PRKN: variants seen among roughly 807,000 people sequenced by gnomAD.
The protein encoded by PRKN is E3 ubiquitin-protein ligase parkin.
PRKN carries 56 observed loss-of-function variants against 59.5 expected under a neutral mutation model. The observed-to-expected ratio is 0.94, with a 90% CI of 0.76 to 1.18. The LOEUF (loss-of-function observed/expected upper bound fraction) is 1.18. Ranked by LOEUF, PRKN falls within the 50% of genes most tolerant of loss-of-function variation. The probability of loss-of-function intolerance (pLI) is 0.00; values close to 1 mark genes in which losing one functional copy is unlikely to be tolerated. For synonymous variants in PRKN, 250 were observed against 222.1 expected (o/e 1.13, Z -1.12); for missense variants, 657 against 596.4 (o/e 1.10, Z -1.06).
intron 9 of PRKN, among the ~76,000 whole-genome samples, chr6:161,508,762 T>C (rs1224224189): frequency 2.6e-5 from 4 of 151,952 alleles, no homozygotes; most frequent in South Asian, 4.1e-4. Context: ...CTACTTTTTT[T>C]CCCCCTCAAT....
intron 5 of PRKN, among the ~76,000 whole-genome samples, chr6:162,008,954 T>A (rs1782371080): frequency 1.3e-5 from 2 of 151,836 alleles, no homozygotes; most frequent in Admixed American, 6.6e-5. Flanking sequence ...GTAAAAAGGA[T>A]CATAAACAGG....
chr6:162,181,559 G>A (rs1330426126), intron 4 of PRKN, among the ~76,000 whole-genome samples: 1 of 152,060 alleles, frequency 6.6e-6, no homozygotes. Context: ...AGAGGGTCAG[G>A]CTTGGACAAA....
chr6:161,476,667 A>C (rs1036957749), intron 9 of PRKN, among the ~76,000 whole-genome samples: 2 of 152,238 alleles, frequency 1.3e-5, no homozygotes, highest in Non-Finnish European at 1.5e-5. Flanking sequence ...CGGGAGGCAG[A>C]AGACCCACCG....
intron 1 of PRKN, among the ~76,000 whole-genome samples, chr6:162,450,573 T>C (rs1426255947): frequency 1.3e-5 from 2 of 152,162 alleles, no homozygotes; most frequent in Non-Finnish European, 2.9e-5. Context: ...CTTGACACAG[T>C]GTGATGCAAT....
intron 7 of PRKN, among the ~76,000 whole-genome samples, chr6:161,601,171 A>G (rs933553729): frequency 1.3e-5 from 2 of 152,208 alleles, no homozygotes; most frequent in African/African-American, 4.8e-5. Context: ...TTTATGTCTT[A>G]GTCTGTTCAG....
intron 3 of PRKN, among the ~76,000 whole-genome samples, chr6:162,216,532 G>A (rs1479917261): frequency 3.6e-5 from 3 of 83,970 alleles, no homozygotes; most frequent in African/African-American, 1.8e-4. Flanking sequence ...GCGAGACTCC[G>A]TCTCAAAAAA....
chr6:161,385,280 C>T lies in PRKN; in HGVS notation c.1167+1514G>A, dbSNP rs1175755025. On this transcript the variant is annotated intron_variant, in intron 10 of 11. Coordinates refer to ENST00000366898, the MANE Select transcript of PRKN (RefSeq NM_004562.3). This position sits in a 1 kb window ranked among gnomAD's most constrained non-coding sequence, Gnocchi z 4.9. ...CTAGAGAGTCTAGCAGCTGCTTGAC[C>T]CACCCAAATGCTCAACTTAATGTCT... Among the ~76,000 whole-genome samples, 1 of 152,112 alleles carries T rather than the reference C, an allele frequency of 6.6e-6. No homozygotes were observed. Among genetic ancestry groups the T allele is most frequent in the Non-Finnish European group, 1.5e-5 (1 of 68,040 alleles).
At chr6:162,590,243 G>T (rs1441761790) in intron 1 of PRKN, among the ~76,000 whole-genome samples, 1 of 152,076 alleles carries the variant, frequency 6.6e-6, no homozygotes, top group Non-Finnish European at 1.5e-5. Flanking sequence ...CATTGTTCAT[G>T]TCTAATAGTA....
chr6:161,914,795 C>T (rs1224734747), intron 6 of PRKN, among the ~76,000 whole-genome samples: 6 of 151,750 alleles, frequency 4.0e-5, no homozygotes. Flanking sequence ...TACTCATGAC[C>T]ATCAGCAGCC....
intron 2 of PRKN, among the ~76,000 whole-genome samples, chr6:162,429,553 T>C (rs527802783): frequency 6.6e-6 from 1 of 152,274 alleles, no homozygotes; most frequent in South Asian, 2.1e-4. Context: ...CATGGCCTTC[T>C]TTATTGGCCC....
At chr6:162,680,311 G>GA (rs995135274) in intron 1 of PRKN, among the ~76,000 whole-genome samples, 144 of 150,668 alleles carry the variant, frequency 9.6e-4, no homozygotes, top group African/African-American at 3.4e-3. Flanking sequence ...ATTTGAGGAA[G>GA]AAAATACAGA....
chr6:162,479,430 T>C (rs537626660), intron 1 of PRKN, among the ~76,000 whole-genome samples: 19 of 152,208 alleles, frequency 1.2e-4, no homozygotes, highest in African/African-American at 4.3e-4. Flanking sequence ...GGTTTCACCA[T>C]GTTGGCCAGG....
intron 8 of PRKN, among the ~76,000 whole-genome samples, chr6:161,567,422 G>C (rs562470261): frequency 2.6e-5 from 4 of 152,028 alleles, no homozygotes; most frequent in Non-Finnish European, 4.4e-5. Context: ...ATGTGTTTAT[G>C]TGTATATAAT....
rs1380928830 is a variant in PRKN at position 161,401,838 on chromosome 6, A to G, written c.1084-14961T>C. Among the ~76,000 whole-genome samples, 1 of 152,172 alleles carries G rather than the reference A, an allele frequency of 6.6e-6. No individual in the cohort carries two copies. The highest frequency in any genetic ancestry group is 1.5e-5 in the Non-Finnish European group (1 of 68,042). On this transcript the variant is annotated intron_variant, in intron 9 of 11. Transcript: ENST00000366898. The surrounding 1 kb of genome is among the most constrained non-coding windows in gnomAD (Gnocchi z 4.4). ...GAACCTCTGCCCTAAATGATTATTCATGAATGTTCTGGCTCAAAGGAGGAG... is the reference window on the plus strand; with the variant it reads ...GAACCTCTGCCCTAAATGATTATTCGTGAATGTTCTGGCTCAAAGGAGGAG...
chr6:161,726,859 C>T (rs578165666), intron 7 of PRKN, among the ~76,000 whole-genome samples: 1 of 152,226 alleles, frequency 6.6e-6, no homozygotes, highest in South Asian at 2.1e-4. Flanking sequence ...GGCTTGTATT[C>T]TTTCAATTTA....
intron 1 of PRKN, among the ~76,000 whole-genome samples, chr6:162,634,566 T>C (rs1777637170): frequency 6.6e-6 from 1 of 152,212 alleles, no homozygotes. Context: ...CTTATTTAGC[T>C]TGTATCACCA....
At chr6:162,619,315 A>AT (rs1562442096) in intron 1 of PRKN, among the ~76,000 whole-genome samples, 2,453 of 72,856 alleles carry the variant, frequency 0.034, 66 homozygotes, top group African/African-American at 0.17. Context: ...GCTAATTTTT[A>AT]ATTTTTTTTT....
intron 7 of PRKN, 136 bp from the exon 8 acceptor site, chr6:161,569,552 T>C (rs1157316090): frequency 3.9e-6 from 3 of 763,782 alleles, no homozygotes; most frequent in South Asian, 2.9e-5. Flanking sequence ...AAAACACACA[T>C]CTAACCAACC....
At position 161,581,869 on chromosome 6, in the gene PRKN, A is replaced by G. The variant is rs563098687; in HGVS notation, c.872-12453T>C. Among the ~76,000 whole-genome samples the G allele has an allele frequency of 6.6e-6, 1 of 152,310 alleles. No individual in the cohort carries two copies. The highest frequency in any genetic ancestry group is 2.1e-4 in the South Asian group (1 of 4,822). On this transcript the variant is annotated intron_variant, in intron 7 of 11. Coordinates refer to ENST00000366898, the MANE Select transcript of PRKN (RefSeq NM_004562.3). This position sits in a 1 kb window ranked among gnomAD's most constrained non-coding sequence, Gnocchi z 4.5. ...CTGCTTCAGGTTTTATCACCCACTC[A>G]ATATTTACTGCGCAGAGAGCTGAGG...
Sources: allele counts gnomAD v4.1 joint callset (sites outside exome capture counted in the v4.1 genomes callset), GRCh38; gene constraint gnomAD v4.1.1; non-coding constraint Gnocchi (gnomAD v3.1); transcripts MANE v1.5; gene names NCBI Gene and HGNC (gene_info 2026-07-23, HGNC 2026-07-21).